The following STK4 variants were observed in gnomAD, a reference collection of about 807,000 sequenced individuals.
STK4 encodes the protein serine/threonine kinase 4.
In STK4, 30 loss-of-function variants were observed where a neutral mutation model predicts 64.9. The observed-to-expected ratio is 0.46, with a 90% CI of 0.35 to 0.63. The LOEUF is 0.63. Among genes scored for constraint, STK4 ranks in the 20% least tolerant of loss-of-function variants. STK4 has a pLI of 0.01. For missense variants in STK4, 466 were observed against 598.5 expected (o/e 0.78, Z 2.31); for synonymous variants, 177 against 199.0 (o/e 0.89, Z 0.93).
At chr20:45,062,677 G>A (rs1979145147) in intron 10 of STK4, among the ~76,000 whole-genome samples, 1 of 150,750 alleles carries the variant, frequency 6.6e-6, no homozygotes, top group South Asian at 2.1e-4. Context: ...GTTTTGTTTT[G>A]AGACGGAGTC....
At chr20:45,063,952 C>T (rs921234987) in intron 10 of STK4, among the ~76,000 whole-genome samples, 4 of 151,774 alleles carry the variant, frequency 2.6e-5, no homozygotes, top group African/African-American at 7.2e-5. Context: ...GGAATACAGG[C>T]GCCCGCCACT....
At chr20:44,998,784 A>C (rs1354668533) in intron 7 of STK4, among the ~76,000 whole-genome samples, 1 of 152,180 alleles carries the variant, frequency 6.6e-6, no homozygotes, top group East Asian at 1.9e-4. Context: ...AGAAAATCAG[A>C]AACTAGCCAG....
At chr20:45,032,353 C>T (rs970420611) in intron 10 of STK4, among the ~76,000 whole-genome samples, 3 of 152,054 alleles carry the variant, frequency 2.0e-5, no homozygotes, top group Non-Finnish European at 2.9e-5. Context: ...GTTTGGTGTA[C>T]AGATTATTTC....
rs777217023 is a variant in STK4, at chr20:45,000,512, G to C, written c.952G>C (p.Glu318Gln). Residue 318 changes from glutamate to glutamine, a missense_variant, in exon 8 of 11, where the codon GAA becomes CAA. By Grantham distance (29) the Glu-to-Gln change is conservative (BLOSUM62 2). Transcript: ENST00000372806. ...QQREVDQDDE[E>Q]NSEEDEMDSG... ...GCGGGAAGTGGACCAGGACGATGAA[G>C]AAAACTCAGTGAGTGGCAGCCGTTG... 6.2e-7 allele frequency: 1 copy of C among 1,613,982 alleles called. No individual in the cohort carries two copies. Among genetic ancestry groups the C allele is most frequent in the Non-Finnish European group, 8.5e-7 (1 of 1,179,900 alleles).
intron 10 of STK4, among the ~76,000 whole-genome samples, chr20:45,042,050 T>C (rs1239725588): frequency 2.0e-5 from 3 of 152,352 alleles, no homozygotes; most frequent in African/African-American, 4.8e-5. Context: ...TTGTTTATTA[T>C]TCATCAAGAA....
intron 10 of STK4, among the ~76,000 whole-genome samples, chr20:45,074,150 T>G (rs951133261): frequency 5.9e-5 from 9 of 152,184 alleles, no homozygotes; most frequent in Non-Finnish European, 1.2e-4. Context: ...TGGGAGACAT[T>G]GGGCAGGTTA....
At chr20:45,023,765 C>T (rs6124678) in intron 9 of STK4, among the ~76,000 whole-genome samples, 18,916 of 152,076 alleles carry the variant, frequency 0.12, 1,547 homozygotes, top group East Asian at 0.22. Flanking sequence ...ATGCTTTTCT[C>T]CAGGATGGTT....
intron 10 of STK4, among the ~76,000 whole-genome samples, chr20:45,069,697 G>A (rs1385900644): frequency 1.3e-5 from 2 of 152,190 alleles, no homozygotes; most frequent in Non-Finnish European, 2.9e-5. Context: ...TGCATATGAT[G>A]ATGCCCCATG....
chr20:45,077,649 A>ACTGCTGGGATTACAGGCATG lies in STK4; in HGVS notation c.*2474_*2493dup, dbSNP rs1980619839. 6.6e-6 allele frequency: 1 copy of ACTGCTGGGATTACAGGCATG among 152,166 alleles called. No individual in the cohort carries two copies. The highest frequency in any genetic ancestry group is 1.5e-5 in the Non-Finnish European group (1 of 68,058). The allele number at this position is 152,166 out of a possible 1,614,324, so 9.4% of individuals were successfully genotyped here. On this transcript the variant is annotated 3_prime_UTR_variant, in exon 11 of 11. Transcript: ENST00000372806. The stretch of plus-strand genomic sequence containing the variant: ...TGATCCACCCGCCTCAGCCTCCCAC[A>ACTGCTGGGATTACAGGCATG]CTGCTGGGATTACAGGCATGAGCCA...
At chr20:44,995,392 G>A in intron 6 of STK4, 135 bp downstream of exon 6, 3 of 1,091,702 alleles carry the variant, frequency 2.7e-6, no homozygotes, top group Non-Finnish European at 3.7e-6. Flanking sequence ...GATCACCAGA[G>A]GTCAGGAGTT....
At chr20:45,034,427 A>G (rs1391999533) in intron 10 of STK4, among the ~76,000 whole-genome samples, 1 of 152,134 alleles carries the variant, frequency 6.6e-6, no homozygotes, top group Non-Finnish European at 1.5e-5. Flanking sequence ...ATAATTTTAT[A>G]TTATTAAATT....
chr20:45,028,582 C>T (rs984229992), intron 10 of STK4, among the ~76,000 whole-genome samples: 7 of 152,150 alleles, frequency 4.6e-5, no homozygotes, highest in African/African-American at 1.7e-4. Context: ...CTGCCCGGGC[C>T]TCCCAGAATG....
intron 6 of STK4, 100 bp downstream of exon 6, chr20:44,995,357 G>C: frequency 1.4e-6 from 2 of 1,394,108 alleles, no homozygotes; most frequent in African/African-American, 2.9e-5. Flanking sequence ...TGTAATCCCA[G>C]CACTTTGGGA....
At chr20:45,019,817 T>C (rs73111631) in intron 9 of STK4, among the ~76,000 whole-genome samples, 17,689 of 152,242 alleles carry the variant, frequency 0.12, 1,336 homozygotes, top group Middle Eastern at 0.22. Context: ...ACAAGCTAGC[T>C]GAAGCCCTGG....
intron 10 of STK4, among the ~76,000 whole-genome samples, chr20:45,068,343 A>G (rs1457701982): frequency 6.6e-6 from 1 of 152,154 alleles, no homozygotes; most frequent in Non-Finnish European, 1.5e-5. Flanking sequence ...TGCCAATAAA[A>G]TTGATTGATT....
intron 9 of STK4, among the ~76,000 whole-genome samples, chr20:45,017,256 G>A (rs374566878): frequency 2.0e-5 from 3 of 152,152 alleles, no homozygotes; most frequent in African/African-American, 7.2e-5. Context: ...CATGTGTACT[G>A]TTCTAATTGT....
intron 10 of STK4, among the ~76,000 whole-genome samples, chr20:45,055,194 G>A (rs931525453): frequency 2.6e-5 from 4 of 152,126 alleles, no homozygotes; most frequent in Non-Finnish European, 4.4e-5. Flanking sequence ...GGGAAAACAC[G>A]TATATTCAGA....
intron 5 of STK4, among the ~76,000 whole-genome samples, chr20:44,988,925 A>G (rs2067585708): frequency 6.6e-6 from 1 of 152,090 alleles, no homozygotes; most frequent in African/African-American, 2.4e-5. Flanking sequence ...GTTTAACATA[A>G]TGTTTTTGAG....
At chr20:45,015,778 C>G (rs2068130140) in intron 9 of STK4, among the ~76,000 whole-genome samples, 1 of 152,106 alleles carries the variant, frequency 6.6e-6, no homozygotes, top group South Asian at 2.1e-4. Flanking sequence ...AAAAATGGGG[C>G]ACCAAAGTTC....
Sources: gnomAD v4.1 joint callset for allele counts (sites outside exome capture counted in the v4.1 genomes callset) on GRCh38, gnomAD v4.1.1 for gene constraint, MANE v1.5 for transcripts, NCBI Gene and HGNC (gene_info 2026-07-23, HGNC 2026-07-21) for gene names.